The following PCDHGA6 variants were observed in gnomAD, a reference collection of about 807,000 sequenced individuals.
The protein encoded by PCDHGA6 is protocadherin gamma subfamily A, 6, also known as protocadherin gamma-A6.
PCDHGA6 carries 41 observed loss-of-function variants against 60.6 expected under a neutral mutation model. The observed-to-expected ratio is 0.68, with a 90% CI of 0.53 to 0.88. The LOEUF is 0.88. PCDHGA6 is among the 40% of genes least tolerant of loss of function. PCDHGA6 has a pLI of 0.00. For missense variants in PCDHGA6, 1,312 were observed against 1,203.0 expected (o/e 1.09, Z -1.34); for synonymous variants, 594 against 524.4 (o/e 1.13, Z -1.81).
At chr5:141,388,715 T>A (rs2091466126) in intron 1 of PCDHGA6, 1 of 1,613,878 alleles carries the variant, frequency 6.2e-7, no homozygotes, top group Non-Finnish European at 8.5e-7. Flanking sequence ...ATGCCGAGAT[T>A]ACTTTCTCTT....
chr5:141,472,980 C>CAAAAAAAAA (rs60579131), intron 1 of PCDHGA6, among the ~76,000 whole-genome samples: 30 of 86,054 alleles, frequency 3.5e-4, no homozygotes, highest in African/African-American at 5.0e-4. Context: ...GAGTGAAACT[C>CAAAAAAAAA]AAAAAAAAAA....
At position 141,454,796 on chromosome 5, in the gene PCDHGA6, ATTT is replaced by A. The variant is rs61612330; in HGVS notation, c.2425-39984_2425-39982del. On this transcript the variant is annotated intron_variant, in intron 1 of 3. Coordinates refer to ENST00000517434, the MANE Select transcript of PCDHGA6 (RefSeq NM_018919.3). ...AAGGAAATAATCCTCCATGGTTCTA[ATTT>A]TTTTTTTTTTTTTTTTTTTTTTTTT... is the stretch of plus-strand genomic sequence containing the variant. 8.4e-3 allele frequency among the ~76,000 whole-genome samples: 651 copies of A among 77,268 alleles called. 2 individuals are homozygous for A. Among genetic ancestry groups the A allele is most frequent in the African/African-American group, 0.012 (206 of 16,834 alleles). The allele number at this position is 77,268 out of a possible 152,430, so 50.7% of individuals were successfully genotyped here. A position where few individuals can be genotyped will look rare whatever the true frequency, so the allele number is the denominator to read the frequency against.
At chr5:141,495,800 C>T (rs1351461035) in intron 2 of PCDHGA6, among the ~76,000 whole-genome samples, 5 of 152,134 alleles carry the variant, frequency 3.3e-5, no homozygotes, top group Non-Finnish European at 7.3e-5. Context: ...CTCCTTTCAC[C>T]GTTTCCTAGC....
intron 1 of PCDHGA6, chr5:141,389,358 A>G: frequency 6.2e-7 from 1 of 1,613,908 alleles, no homozygotes; most frequent in Non-Finnish European, 8.5e-7. Flanking sequence ...CATCATGGCC[A>G]GTGACCTGGA....
Position 141,485,550 on chromosome 5 carries a change from TG to T in PCDHGA6, c.2425-9256del. On this transcript the variant is annotated intron_variant, in intron 1 of 3. Coordinates refer to ENST00000517434, the MANE Select transcript of PCDHGA6 (RefSeq NM_018919.3). The surrounding 1 kb of genome is among the most constrained non-coding windows in gnomAD (Gnocchi z 5.7). ...CGAGCAGAGGTAGAGATCGTAGATGTGAATGATCACGCCCCCCGTTTTCCGC... is the reference window on the plus strand; with the variant it reads ...CGAGCAGAGGTAGAGATCGTAGATGTAATGATCACGCCCCCCGTTTTCCGC... The T allele has an allele frequency of 6.2e-7, 1 of 1,613,820 alleles. No individual in the cohort carries two copies.
chr5:141,424,383 T>C (rs2096817494), intron 1 of PCDHGA6: 2 of 152,238 alleles, frequency 1.3e-5, no homozygotes, highest in Non-Finnish European at 2.9e-5. Context: ...AAGCTCTAGA[T>C]GTCTTTTCCA....
At position 141,390,017 on chromosome 5, in the gene PCDHGA6, G is replaced by C. The variant is rs2092015490; in HGVS notation, c.2424+13510G>C. Reference sequence around the variant, plus strand: ...TGGCCATGATTCTGGCCATTGCCTTGCGCCTGCGACGCTCCTCCAGCCCCG... The same window carrying C: ...TGGCCATGATTCTGGCCATTGCCTTCCGCCTGCGACGCTCCTCCAGCCCCG... On this transcript the variant is annotated intron_variant, in intron 1 of 3. Transcript: ENST00000517434. 1.9e-6 allele frequency: 3 copies of C among 1,613,898 alleles called. No homozygotes were observed. The South Asian group carries it at 3.3e-5, about 18-fold the overall frequency.
At chr5:141,407,316 G>A (rs2094914682) in intron 1 of PCDHGA6, among the ~76,000 whole-genome samples, 1 of 152,094 alleles carries the variant, frequency 6.6e-6, no homozygotes, top group Non-Finnish European at 1.5e-5. Flanking sequence ...TTCATACTTA[G>A]TATTTATAAA....
intron 1 of PCDHGA6, among the ~76,000 whole-genome samples, chr5:141,382,210 G>T (rs61675507): frequency 0.17 from 26,250 of 151,970 alleles, 2,491 homozygotes; most frequent in Admixed American, 0.27. Context: ...TATTAAAATA[G>T]GTCTATATAT....
In PCDHGA6 at chr5:141,485,340, C is replaced by T. The variant is rs139641513; in HGVS notation, c.2425-9467C>T. ...GTCGCTCAAGATTTCCTGCTGGATA[C>T]GGACAGTCTGTCAGCTCGCAGGCTG... is the stretch of plus-strand genomic sequence containing the variant. On this transcript the variant is annotated intron_variant, in intron 1 of 3. Coordinates refer to ENST00000517434, the MANE Select transcript of PCDHGA6 (RefSeq NM_018919.3). This position sits in a 1 kb window ranked among gnomAD's most constrained non-coding sequence, Gnocchi z 5.7. 1.2e-6 allele frequency: 2 copies of T among 1,613,958 alleles called. No individual in the cohort carries two copies. Among genetic ancestry groups the T allele is most frequent in the East Asian group, 2.2e-5 (1 of 44,884 alleles).
intron 1 of PCDHGA6, chr5:141,419,027 G>A (rs1415215066): frequency 6.2e-7 from 1 of 1,613,870 alleles, no homozygotes; most frequent in Admixed American, 1.7e-5. Flanking sequence ...AAGTAGAGGT[G>A]TTCCATTTAA....
At chr5:141,441,779 C>T in intron 1 of PCDHGA6, 2 of 390,030 alleles carry the variant, frequency 5.1e-6, no homozygotes, top group South Asian at 2.0e-5. Context: ...TGGTGGACGA[C>T]CTGAATGACA....
At chr5:141,421,618 G>T (rs748399893) in intron 1 of PCDHGA6, 1 of 1,613,766 alleles carries the variant, frequency 6.2e-7, no homozygotes, top group Non-Finnish European at 8.5e-7. Flanking sequence ...TAATGATAAC[G>T]CCCCCAGCTT....
At chr5:141,488,359 T>A (rs1262194591) in intron 1 of PCDHGA6, among the ~76,000 whole-genome samples, 1 of 152,198 alleles carries the variant, frequency 6.6e-6, no homozygotes, top group Non-Finnish European at 1.5e-5. Context: ...ACCCTGTGCA[T>A]CTTTAAGTTG....
intron 1 of PCDHGA6, chr5:141,389,657 G>C (rs372714152): frequency 8.1e-6 from 13 of 1,612,432 alleles, no homozygotes; most frequent in African/African-American, 2.7e-5. Context: ...AGGTAGTGGC[G>C]GTGGACGCAG....
Position 141,415,225 on chromosome 5 carries a change from T to C in PCDHGA6, c.2424+38718T>C, listed in dbSNP as rs189700811. On this transcript the variant is annotated intron_variant, in intron 1 of 3. Transcript: ENST00000517434. ...CCTGGCGGACCTCGGCAGCTTCGAG[T>C]CTCCAGCTAACTCTGAAACCTCAGA... 12,267 of 1,614,024 alleles carry C rather than the reference T, an allele frequency of 7.6e-3. 74 individuals carry two copies. Among genetic ancestry groups the C allele is most frequent in the Non-Finnish European group, 9.2e-3 (10,854 of 1,180,002 alleles).
In PCDHGA6 at chr5:141,432,112, C is replaced by T; in HGVS notation, c.2424+55605C>T. ...CAGACACCAACGACAACCCGCCGGT[C>T]TTCCCTCAGGCCTCCTATTCCGCTT... On this transcript the variant is annotated intron_variant, in intron 1 of 3. Transcript: ENST00000517434. The surrounding 1 kb of genome is among the most constrained non-coding windows in gnomAD (Gnocchi z 6.0). 1 of 1,614,186 alleles carries T rather than the reference C, an allele frequency of 6.2e-7. No individual in the cohort carries two copies. The highest frequency in any genetic ancestry group is 8.5e-7 in the Non-Finnish European group (1 of 1,180,042).
rs1407225048 is a variant in PCDHGA6 at position 141,489,600 on chromosome 5, G to T, written c.2425-5207G>T. On this transcript the variant is annotated intron_variant, in intron 1 of 3. Coordinates refer to ENST00000517434, the MANE Select transcript of PCDHGA6 (RefSeq NM_018919.3). The surrounding 1 kb of genome is among the most constrained non-coding windows in gnomAD (Gnocchi z 4.5). ...ACCCCCTGGAGCTAATCCGTGTAGA[G>T]GTAGAGATCCTGGATCTCAATGACA... The T allele has an allele frequency of 7.4e-6, 12 of 1,613,916 alleles. 1 individual carries two copies. In the South Asian group the frequency reaches 1.2e-4, roughly 16 times the overall value.
chr5:141,431,020 G>A lies in PCDHGA6; in HGVS notation c.2424+54513G>A, dbSNP rs941765907. On this transcript the variant is annotated intron_variant, in intron 1 of 3. Transcript: ENST00000517434. This position sits in a 1 kb window ranked among gnomAD's most constrained non-coding sequence, Gnocchi z 4.8. ...CGCGCAGCGGCAGCTTGGTCACGGC[G>A]GGCAGGATAGACCGGGAGGAGCTCT... The A allele has an allele frequency of 9.9e-6, 16 of 1,614,050 alleles. No homozygotes were observed. Among genetic ancestry groups the A allele is most frequent in the East Asian group, 4.5e-5 (2 of 44,886 alleles).
Sources: gnomAD v4.1 joint callset for allele counts (sites outside exome capture counted in the v4.1 genomes callset) on GRCh38, gnomAD v4.1.1 for gene constraint, Gnocchi (gnomAD v3.1) non-coding constraint, MANE v1.5 for transcripts, NCBI Gene and HGNC (gene_info 2026-07-23, HGNC 2026-07-21) for gene names.